The following KCNH1 variants were observed in gnomAD, a reference collection of about 807,000 sequenced individuals.
KCNH1 encodes the protein potassium voltage-gated channel subfamily H member 1, also known as voltage-gated delayed rectifier potassium channel KCNH1.
KCNH1 carries 27 observed loss-of-function variants against 69.2 expected under a neutral mutation model. The observed-to-expected ratio is 0.39, with a 90% CI of 0.29 to 0.54. The LOEUF is 0.54. KCNH1 is among the 20% of genes least tolerant of loss of function. The probability of loss-of-function intolerance (pLI) is 0.68; values close to 1 mark genes in which losing one functional copy is unlikely to be tolerated. For missense variants in KCNH1, 798 were observed against 1,261.6 expected (o/e 0.63, Z 5.57); for synonymous variants, 456 against 487.7 (o/e 0.93, Z 0.86).
At chr1:210,817,279 C>T (rs1684837061) in intron 7 of KCNH1, among the ~76,000 whole-genome samples, 1 of 152,164 alleles carries the variant, frequency 6.6e-6, no homozygotes, top group Non-Finnish European at 1.5e-5. Flanking sequence ...CTAATCCTGA[C>T]TTTGTTGCTG....
chr1:210,834,685 T>TAAAAA (rs55784518), intron 7 of KCNH1, among the ~76,000 whole-genome samples: 2 of 142,854 alleles, frequency 1.4e-5, no homozygotes, highest in African/African-American at 2.6e-5. Flanking sequence ...AAAGTATAAT[T>TAAAAA]AAAAAAAAAA....
At chr1:210,924,851 T>A (rs12118119) in intron 6 of KCNH1, among the ~76,000 whole-genome samples, 6,981 of 151,338 alleles carry the variant, frequency 0.046, 338 homozygotes, top group East Asian at 0.25. Context: ...CACTAACAAC[T>A]GTAGTCTAGG....
chr1:210,795,394 G>A (rs532622782), intron 9 of KCNH1, among the ~76,000 whole-genome samples: 5 of 152,040 alleles, frequency 3.3e-5, no homozygotes, highest in Non-Finnish European at 7.4e-5. Context: ...AGATCCACCC[G>A]TCTCAGCCAC....
At chr1:210,880,965 A>G (rs1361860938) in intron 7 of KCNH1, among the ~76,000 whole-genome samples, 1 of 152,186 alleles carries the variant, frequency 6.6e-6, no homozygotes, top group Non-Finnish European at 1.5e-5. Flanking sequence ...AAGCATATAA[A>G]AAGATATTCC....
rs1350666992 is a variant in KCNH1, at chr1:210,797,780, A to G, written c.1663-20T>C. The stretch of plus-strand genomic sequence containing the variant: ...CAGGACCTAGCCAGGTACAGAAAAA[A>G]ACAGTGTGAGGGTCCTCACTGTGGC... On this transcript the variant is annotated intron_variant, in intron 8 of 10. Coordinates refer to ENST00000271751, the MANE Select transcript of KCNH1 (RefSeq NM_172362.3). 2 of 1,603,816 alleles carry G rather than the reference A, an allele frequency of 1.2e-6. No homozygotes were observed. Among genetic ancestry groups the G allele is most frequent in the South Asian group, 1.1e-5 (1 of 90,096 alleles).
Position 210,821,452 on chromosome 1 carries a change from C to T in KCNH1, c.1463-17286G>A, listed in dbSNP as rs148229651. ...CTCCCTGGTTAGAACAACAGGTCAG[C>T]GTATGGTGTCAGAATAATAAAGTTT... On this transcript the variant is annotated intron_variant, in intron 7 of 10. Transcript: ENST00000271751. 3.1e-3 allele frequency among the ~76,000 whole-genome samples: 475 copies of T among 152,254 alleles called. 3 individuals carry two copies. Among genetic ancestry groups the T allele is most frequent in the Non-Finnish European group, 2.5e-3 (170 of 68,008 alleles).
chr1:210,918,491 C>G (rs1044015969), intron 7 of KCNH1, among the ~76,000 whole-genome samples: 3 of 152,188 alleles, frequency 2.0e-5, no homozygotes, highest in Admixed American at 1.3e-4. Flanking sequence ...CCAGTTAGGT[C>G]CCTTCCTACA....
chr1:210,829,037 T>C (rs184923329), intron 7 of KCNH1, among the ~76,000 whole-genome samples: 6 of 152,220 alleles, frequency 3.9e-5, no homozygotes, highest in African/African-American at 2.4e-5. Context: ...TGTTTTCAAG[T>C]ATGTTGTGTA....
At chr1:211,032,512 T>C (rs1039434213) in intron 5 of KCNH1, among the ~76,000 whole-genome samples, 5 of 152,140 alleles carry the variant, frequency 3.3e-5, no homozygotes, top group African/African-American at 7.2e-5. Context: ...CTTCAAACTA[T>C]ACTACAAGGC....
In KCNH1 at chr1:211,092,191, TGG is replaced by T. The variant is rs1307867359; in HGVS notation, c.311-1503_311-1502del. 4.6e-5 allele frequency among the ~76,000 whole-genome samples: 7 copies of T among 152,314 alleles called. No homozygotes were observed. In the East Asian group the frequency reaches 1.2e-3, roughly 25 times the overall value. ...AGAGAGCAGAAAACTCACTGAATCT[TGG>T]AGACGAAAATAGATCCTCAAGAGGT... On this transcript the variant is annotated intron_variant, in intron 3 of 10. Transcript: ENST00000271751.
rs1047364935 is a variant in KCNH1, at chr1:210,967,998, C to A, written c.1033-47929G>T. ...CGTCATCTAGCATTAGATATATCTC[C>A]CGATGCTATCCCCGCCCCCTCCCAC... On this transcript the variant is annotated intron_variant, in intron 6 of 10. Transcript: ENST00000271751. Among the ~76,000 whole-genome samples the A allele has an allele frequency of 3.3e-5, 5 of 152,074 alleles. No homozygotes were observed. The East Asian group carries it at 9.6e-4, about 29-fold the overall frequency.
chr1:210,742,215 C>G (rs1353908442), intron 10 of KCNH1, among the ~76,000 whole-genome samples: 3 of 152,192 alleles, frequency 2.0e-5, no homozygotes, highest in Non-Finnish European at 4.4e-5. Flanking sequence ...TATTTTATTT[C>G]TGGGAATTTG....
chr1:210,952,862 T>C (rs937373263), intron 6 of KCNH1, among the ~76,000 whole-genome samples: 6 of 152,228 alleles, frequency 3.9e-5, no homozygotes, highest in African/African-American at 1.4e-4. Context: ...GTCTCTACTC[T>C]TGTGCATTAC....
intron 6 of KCNH1, among the ~76,000 whole-genome samples, chr1:211,017,718 G>A (rs1566602): frequency 0.71 from 107,985 of 152,068 alleles, 39,281 homozygotes; most frequent in African/African-American, 0.87. Flanking sequence ...TGTCCCAGGC[G>A]CTCATTCAGA....
At chr1:210,861,137 T>C in intron 7 of KCNH1, 5 of 906,658 alleles carry the variant, frequency 5.5e-6, no homozygotes, top group Non-Finnish European at 9.2e-6. Context: ...TTCAGACACA[T>C]CAAACTTCAT....
At chr1:210,938,684 C>T (rs993837937) in intron 6 of KCNH1, among the ~76,000 whole-genome samples, 1 of 152,240 alleles carries the variant, frequency 6.6e-6, no homozygotes, top group Non-Finnish European at 1.5e-5. Flanking sequence ...ATCTCAAACA[C>T]TGTCACACTG....
intron 7 of KCNH1, among the ~76,000 whole-genome samples, chr1:210,855,602 C>A (rs1685816475): frequency 6.6e-6 from 1 of 152,180 alleles, no homozygotes; most frequent in South Asian, 2.1e-4. Flanking sequence ...TAGACTGAGC[C>A]AGAGAGCGTA....
chr1:211,013,288 C>T (rs1322006320), intron 6 of KCNH1, among the ~76,000 whole-genome samples: 1 of 152,164 alleles, frequency 6.6e-6, no homozygotes, highest in Non-Finnish European at 1.5e-5. Context: ...AGAGGTGAGG[C>T]CATTCACCCA....
chr1:211,103,709 C>A, intron 2 of KCNH1, 107 bp from the exon 3 acceptor site: 2 of 419,334 alleles, frequency 4.8e-6, no homozygotes, highest in Non-Finnish European at 4.2e-6. Context: ...TACTGTGGAA[C>A]ACACACACAC....
Sources: allele counts gnomAD v4.1 joint callset (sites outside exome capture counted in the v4.1 genomes callset), GRCh38; gene constraint gnomAD v4.1.1; transcripts MANE v1.5; gene names NCBI Gene and HGNC (gene_info 2026-07-23, HGNC 2026-07-21).